Variants in ECE1 observed in about 807,000 individuals in gnomAD.
ECE1 encodes the protein endothelin-converting enzyme 1.
ECE1 carries 35 observed loss-of-function variants against 98.6 expected under a neutral mutation model. The ratio of observed to expected loss-of-function variants is 0.35; its 90% CI spans 0.27 to 0.47. The LOEUF (loss-of-function observed/expected upper bound fraction) is 0.47. Among genes scored for constraint, ECE1 ranks in the 20% least tolerant of loss-of-function variants. The probability of loss-of-function intolerance (pLI) is 1.00; values close to 1 mark genes in which losing one functional copy is unlikely to be tolerated. For missense variants in ECE1, 814 were observed against 1,025.3 expected (o/e 0.79, Z 2.81); for synonymous variants, 394 against 407.1 (o/e 0.97, Z 0.39).
chr1:21,282,236 G>A (rs1458391352), intron 2 of ECE1, among the ~76,000 whole-genome samples: 1 of 152,276 alleles, frequency 6.6e-6, no homozygotes, highest in East Asian at 1.9e-4. Flanking sequence ...GCTGCAGTAA[G>A]CCATGATTGT....
In ECE1 at chr1:21,271,448, T is replaced by G. The variant is rs3026869; in HGVS notation, c.493+1251A>C. Among the ~76,000 whole-genome samples, 728 of 152,324 alleles carry G rather than the reference T, an allele frequency of 4.8e-3. 6 individuals carry two copies. Among genetic ancestry groups the G allele is most frequent in the African/African-American group, 0.017 (698 of 41,578 alleles). On this transcript the variant is annotated intron_variant, in intron 4 of 18. Transcript: ENST00000374893. ...GGGTATCTTCTATTGTACCTGCCTT[T>G]GAATATCTTAAAGTTTTTTAAAACA...
intron 1 of ECE1, among the ~76,000 whole-genome samples, chr1:21,306,449 G>A (rs778649102): frequency 4.0e-5 from 6 of 151,552 alleles, no homozygotes; most frequent in African/African-American, 7.3e-5. Flanking sequence ...CGATTCTCCC[G>A]CCTCGGCCTC....
In ECE1 at chr1:21,319,624, A is replaced by C. The variant is rs1481276248; in HGVS notation, c.3+25752T>G. 3.3e-5 allele frequency among the ~76,000 whole-genome samples: 5 copies of C among 152,012 alleles called. No individual in the cohort carries two copies. The highest frequency in any genetic ancestry group is 7.4e-5 in the Non-Finnish European group (5 of 67,990). On this transcript the variant is annotated intron_variant, in intron 1 of 18. Coordinates refer to the ECE1 transcript ENST00000415912. This position sits in a 1 kb window ranked among gnomAD's most constrained non-coding sequence, Gnocchi z 4.4. ...AGCAGCTGTGCCCTCCCCTCTGTGA[A>C]CTGGGCAGGAAAGCCAGGCTCCATC...
At chr1:21,261,263 C>T (rs2098226479) in intron 4 of ECE1, among the ~76,000 whole-genome samples, 1 of 152,216 alleles carries the variant, frequency 6.6e-6, no homozygotes, top group Non-Finnish European at 1.5e-5. Context: ...CACATTCCCT[C>T]ATTTCATGTT....
chr1:21,283,485 G>T (rs1230072164), intron 2 of ECE1, among the ~76,000 whole-genome samples: 1 of 152,134 alleles, frequency 6.6e-6, no homozygotes, highest in Non-Finnish European at 1.5e-5. Context: ...TGGCCAGGCT[G>T]GTCTCAAACT....
At chr1:21,305,548 C>A (rs531207962) in intron 1 of ECE1, among the ~76,000 whole-genome samples, 1 of 152,242 alleles carries the variant, frequency 6.6e-6, no homozygotes, top group East Asian at 1.9e-4. Flanking sequence ...CAGGGTCGCT[C>A]AGACCACCGG....
intron 1 of ECE1, among the ~76,000 whole-genome samples, chr1:21,342,281 T>C (rs951676091): frequency 6.6e-6 from 1 of 152,252 alleles, no homozygotes; most frequent in Middle Eastern, 3.4e-3. Context: ...TCTGCCAGGT[T>C]ACCCCTCCAA....
At chr1:21,314,126 G>A (rs1051940476) in intron 1 of ECE1, among the ~76,000 whole-genome samples, 6 of 152,262 alleles carry the variant, frequency 3.9e-5, no homozygotes, top group African/African-American at 1.4e-4. Flanking sequence ...AACCCCACGT[G>A]AAAGATGTGG....
chr1:21,246,146 A>T (rs1304937591), intron 9 of ECE1, among the ~76,000 whole-genome samples: 1 of 152,160 alleles, frequency 6.6e-6, no homozygotes, highest in Non-Finnish European at 1.5e-5. Flanking sequence ...GAAAAAAATA[A>T]GTTAAATACG....
At chr1:21,318,299 A>G (rs1173283233) in intron 1 of ECE1, among the ~76,000 whole-genome samples, 2 of 152,166 alleles carry the variant, frequency 1.3e-5, no homozygotes, top group African/African-American at 4.8e-5. Flanking sequence ...TGAGGGCCCA[A>G]GGACATTTCC....
rs2098222231 is a variant in ECE1, at chr1:21,258,114, A to G, written c.763-524T>C. ...GGCACCCATGGCCACATCTTGGCAT[A>G]CCTAGGACAGGTGTTATTGCAATCC... On this transcript the variant is annotated intron_variant, in intron 6 of 18. Coordinates refer to ENST00000374893, the MANE Select transcript of ECE1 (RefSeq NM_001397.3). The surrounding 1 kb of genome is among the most constrained non-coding windows in gnomAD (Gnocchi z 4.2). Among the ~76,000 whole-genome samples the G allele has an allele frequency of 6.6e-6, 1 of 152,192 alleles. No individual in the cohort carries two copies. Among genetic ancestry groups the G allele is most frequent in the South Asian group, 2.1e-4 (1 of 4,828 alleles).
chr1:21,282,359 G>A (rs1380418788), intron 2 of ECE1, among the ~76,000 whole-genome samples: 1 of 151,430 alleles, frequency 6.6e-6, no homozygotes, highest in Non-Finnish European at 1.5e-5. Flanking sequence ...AGGGTGAGGT[G>A]GGCGGATCAC....
intron 1 of ECE1, among the ~76,000 whole-genome samples, chr1:21,336,261 G>C (rs1284879263): frequency 6.6e-6 from 1 of 152,092 alleles, no homozygotes; most frequent in Non-Finnish European, 1.5e-5. Flanking sequence ...TGCACCTGTG[G>C]TACCAGCTAC....
chr1:21,259,087 G>C (rs28367980), intron 5 of ECE1, among the ~76,000 whole-genome samples: 2 of 152,166 alleles, frequency 1.3e-5, no homozygotes, highest in Non-Finnish European at 2.9e-5. Context: ...CGCTCCCTGG[G>C]TGGCTGGGAT....
At position 21,219,787 on chromosome 1, in the gene ECE1, G is replaced by A. The variant is rs149292526; in HGVS notation, c.*168C>T. ...CTCTTCACAGGGGATCAGACTGCGG[G>A]TCACGTTGAGAGCCAACACCATGGG... On this transcript the variant is annotated 3_prime_UTR_variant, in exon 19 of 19. Coordinates refer to ENST00000374893, the MANE Select transcript of ECE1 (RefSeq NM_001397.3). This position sits in a 1 kb window ranked among gnomAD's most constrained non-coding sequence, Gnocchi z 4.5. 1.7e-3 allele frequency: 1,413 copies of A among 809,390 alleles called. 16 individuals carry two copies. In the African/African-American group the frequency reaches 0.021, roughly 12 times the overall value. The allele number at this position is 809,390 out of a possible 1,614,324, so 50.1% of individuals were successfully genotyped here.
chr1:21,281,191 G>GAAAAC (rs112901908), intron 2 of ECE1, among the ~76,000 whole-genome samples: 2,902 of 151,704 alleles, frequency 0.019, 66 homozygotes, highest in African/African-American at 0.056. Flanking sequence ...CTCCGTCTCG[G>GAAAAC]AAAACAAAAC....
chr1:21,289,647 G>T (rs1394196234), intron 2 of ECE1, among the ~76,000 whole-genome samples: 1 of 152,198 alleles, frequency 6.6e-6, no homozygotes, highest in Non-Finnish European at 1.5e-5. Flanking sequence ...CGGACTGGGG[G>T]AGTGGGTTCC....
chr1:21,320,697 C>T (rs1638944472), intron 1 of ECE1, among the ~76,000 whole-genome samples: 1 of 152,242 alleles, frequency 6.6e-6, no homozygotes, highest in African/African-American at 2.4e-5. Context: ...AGAGCCTGTG[C>T]TCTTATCTTC....
At chr1:21,293,774 C>T (rs538575018), upstream of ECE1, 3 of 152,224 alleles carry the variant, frequency 2.0e-5, no homozygotes, top group South Asian at 6.2e-4. Context: ...TGCCTGGGGC[C>T]CTTCGCCCAG....
Sources: gnomAD v4.1 joint callset for allele counts (sites outside exome capture counted in the v4.1 genomes callset) on GRCh38, gnomAD v4.1.1 for gene constraint, Gnocchi (gnomAD v3.1) non-coding constraint, MANE v1.5 for transcripts, NCBI Gene and HGNC (gene_info 2026-07-23, HGNC 2026-07-21) for gene names.